Variants in GNA13 observed in about 807,000 individuals in gnomAD.
The protein encoded by GNA13 is guanine nucleotide-binding protein subunit alpha-13.
In GNA13, 4 loss-of-function variants were observed where a neutral mutation model predicts 33.5. That is an observed-to-expected ratio of 0.12 (90% CI 0.06 to 0.27). The LOEUF is 0.27. GNA13 is among the 10% of genes least tolerant of loss of function. The probability of loss-of-function intolerance (pLI) is 1.00; values close to 1 mark genes in which losing one functional copy is unlikely to be tolerated. For missense variants in GNA13, 319 were observed against 487.2 expected (o/e 0.65, Z 3.25); for synonymous variants, 176 against 183.8 (o/e 0.96, Z 0.34).
At chr17:65,038,655 G>C (rs1392423083) in intron 2 of GNA13, among the ~76,000 whole-genome samples, 1 of 152,158 alleles carries the variant, frequency 6.6e-6, no homozygotes, top group African/African-American at 2.4e-5. Flanking sequence ...TCGAGCTCTT[G>C]AGTTCAAGCA....
chr17:65,041,533 T>C (rs1261132949), intron 2 of GNA13, among the ~76,000 whole-genome samples: 1 of 152,086 alleles, frequency 6.6e-6, no homozygotes, highest in East Asian at 1.9e-4. Flanking sequence ...TTTGTGAACA[T>C]ATGAATTTTT....
chr17:65,030,085 G>C (rs767224170), intron 2 of GNA13, among the ~76,000 whole-genome samples: 1 of 152,170 alleles, frequency 6.6e-6, no homozygotes, highest in Non-Finnish European at 1.5e-5. Context: ...CCTACTCCAT[G>C]TAAGTAACCA....
chr17:65,023,728 C>G (rs1906672386), intron 2 of GNA13, among the ~76,000 whole-genome samples: 1 of 152,166 alleles, frequency 6.6e-6, no homozygotes, highest in South Asian at 2.1e-4. Context: ...TTCCAGTGGA[C>G]ATAATATTTC....
chr17:65,039,037 A>G (rs888861167), intron 2 of GNA13, among the ~76,000 whole-genome samples: 2 of 152,156 alleles, frequency 1.3e-5, no homozygotes, highest in South Asian at 4.1e-4. Context: ...TGCCCAAACT[A>G]AACTCTTAAT....
At chr17:65,025,191 C>A (rs574622279) in intron 2 of GNA13, among the ~76,000 whole-genome samples, 5 of 152,290 alleles carry the variant, frequency 3.3e-5, no homozygotes, top group Admixed American at 3.3e-4. Flanking sequence ...AGCCACTACA[C>A]CCAGCTGTAA....
In GNA13 at chr17:65,056,328, T is replaced by C. The variant is rs776632322; in HGVS notation, c.266A>G (p.Tyr89Cys). Residue 89 changes from tyrosine (Y) to cysteine (C), a missense_variant, in exon 1 of 4, where the codon TAC (tyrosine) becomes TGC (cysteine). Transcript: ENST00000439174. The part of the protein sequence containing the change: ...RAREEFRPTI[Y>C]SNVIKGMRVL... Reference sequence around the variant, plus strand: ...CCCGGCACCTTTGATCACGTTGCTGTAGATGGTGGGGCGGAACTCCTCGCG... The same window carrying C: ...CCCGGCACCTTTGATCACGTTGCTGCAGATGGTGGGGCGGAACTCCTCGCG... The C allele has an allele frequency of 2.6e-6, 4 of 1,510,282 alleles. No homozygotes were observed. Among genetic ancestry groups the C allele is most frequent in the Admixed American group, 1.8e-5 (1 of 56,678 alleles). The allele number at this position is 1,510,282 out of a possible 1,614,324, so 93.6% of individuals were successfully genotyped here.
chr17:65,046,087 G>A (rs1047455898), intron 2 of GNA13, among the ~76,000 whole-genome samples: 3 of 152,048 alleles, frequency 2.0e-5, no homozygotes, highest in Non-Finnish European at 2.9e-5. Flanking sequence ...TGTGAAATGC[G>A]GATAACAGTA....
At chr17:65,046,802 T>A (rs1393837229) in intron 2 of GNA13, among the ~76,000 whole-genome samples, 4 of 152,238 alleles carry the variant, frequency 2.6e-5, no homozygotes, top group Admixed American at 2.0e-4. Flanking sequence ...CTTAGTTGTT[T>A]AATAAACATT....
intron 2 of GNA13, among the ~76,000 whole-genome samples, chr17:65,028,558 T>C (rs1906889730): frequency 6.6e-6 from 1 of 152,124 alleles, no homozygotes; most frequent in African/African-American, 2.4e-5. Context: ...AGTTGCCTCT[T>C]GTAATTAGCT....
In GNA13 at chr17:65,018,138, A is replaced by AAGAG. The variant is rs1555600539; in HGVS notation, c.561+111_561+114dup. On this transcript the variant is annotated intron_variant, in intron 3 of 3. Transcript: ENST00000439174. ...AAAAAAAAAAAAAAAAAAAAAAAAA[A>AAGAG]AGAGAGAAAGAAGCAAATAGCTTAA... The AAGAG allele has an allele frequency of 8.6e-5, 6 of 69,632 alleles. 3 individuals are homozygous for AAGAG. The highest frequency in any genetic ancestry group is 1.1e-4 in the Non-Finnish European group (4 of 35,448). 4.3% of individuals were successfully genotyped at this position (69,632 alleles called of 1,614,324 possible). A position where few individuals can be genotyped will look rare whatever the true frequency, so the allele number is the denominator to read the frequency against.
chr17:65,020,376 T>C (rs980666909), intron 2 of GNA13, among the ~76,000 whole-genome samples: 2 of 152,186 alleles, frequency 1.3e-5, no homozygotes, highest in South Asian at 2.1e-4. Flanking sequence ...AGTGGTTCAA[T>C]GGATAACCAA....
intron 2 of GNA13, among the ~76,000 whole-genome samples, chr17:65,041,598 C>T (rs1318860085): frequency 6.6e-6 from 1 of 152,166 alleles, no homozygotes; most frequent in Admixed American, 6.5e-5. Flanking sequence ...CTCAACGCCT[C>T]TGCTAAGTCA....
intron 1 of GNA13, among the ~76,000 whole-genome samples, chr17:65,056,058 G>A (rs1045954291): frequency 1.3e-5 from 2 of 151,936 alleles, no homozygotes; most frequent in African/African-American, 4.8e-5. Context: ...GGGGGTGGGG[G>A]AATGGCCGTG....
intron 2 of GNA13, among the ~76,000 whole-genome samples, chr17:65,049,374 G>C (rs1220863655): frequency 1.3e-5 from 2 of 152,180 alleles, no homozygotes; most frequent in East Asian, 3.8e-4. Context: ...GCCTGCCTCA[G>C]CCTCCCAAAG....
rs1906254314 is a variant in GNA13 at position 65,013,290 on chromosome 17, A to T, written c.*967T>A. The T allele has an allele frequency of 4.8e-6, 1 of 208,856 alleles. No individual in the cohort carries two copies. The highest frequency in any genetic ancestry group is 1.9e-4 in the South Asian group (1 of 5,346). The allele number at this position is 208,856 out of a possible 1,614,324, so 12.9% of individuals were successfully genotyped here. On this transcript the variant is annotated 3_prime_UTR_variant, in exon 4 of 4. Coordinates refer to ENST00000439174, the MANE Select transcript of GNA13 (RefSeq NM_006572.6). ...TGGAGTTGATGGGACTGGACAGGACAGCAAAAGATAGATGTTTGTGATGAT... is the reference window on the plus strand; with the variant it reads ...TGGAGTTGATGGGACTGGACAGGACTGCAAAAGATAGATGTTTGTGATGAT...
chr17:65,013,725 T>C lies in GNA13; in HGVS notation c.*532A>G, dbSNP rs900728502. ...GTTGTGTATACAAGCAATTAAAATA[T>C]GAAGGCTAAACCTTCTATAAACCTA... is the stretch of plus-strand genomic sequence containing the variant. On this transcript the variant is annotated 3_prime_UTR_variant, in exon 4 of 4. Transcript: ENST00000439174. The C allele has an allele frequency of 2.4e-5, 5 of 208,548 alleles. 1 individual carries two copies. The highest frequency in any genetic ancestry group is 2.0e-5 in the Non-Finnish European group (2 of 102,340). 12.9% of individuals were successfully genotyped at this position (208,548 alleles called of 1,614,324 possible). A position where few individuals can be genotyped will look rare whatever the true frequency, so the allele number is the denominator to read the frequency against.
In GNA13 at chr17:65,014,865, C is replaced by G. The variant is rs1906307369; in HGVS notation, c.562-36G>C. 2 of 1,350,700 alleles carry G rather than the reference C, an allele frequency of 1.5e-6. No individual in the cohort carries two copies. 83.7% of individuals were successfully genotyped at this position (1,350,700 alleles called of 1,614,324 possible). On this transcript the variant is annotated intron_variant, in intron 3 of 3. Transcript: ENST00000439174. The surrounding 1 kb of genome is among the most constrained non-coding windows in gnomAD (Gnocchi z 5.3). ...AAAAACTTGTTTTATACCTATTAAT[C>G]CCGAAGTAATGCGAATTTTTAATGG...
chr17:65,047,635 GCATT>G (rs931578426), intron 2 of GNA13, among the ~76,000 whole-genome samples: 11 of 148,898 alleles, frequency 7.4e-5, no homozygotes, highest in African/African-American at 2.7e-4. Context: ...ATCCAAATTA[GCATT>G]AATTAATAAA....
chr17:65,031,919 A>AGTGTGTGTGTGT (rs1907050606), intron 2 of GNA13, among the ~76,000 whole-genome samples: 4 of 125,480 alleles, frequency 3.2e-5, no homozygotes, highest in African/African-American at 9.5e-5. Flanking sequence ...AGAGAGAGAG[A>AGTGTGTGTGTGT]GAGTGTGTGT....
Sources: gnomAD v4.1 joint callset for allele counts (sites outside exome capture counted in the v4.1 genomes callset) on GRCh38, gnomAD v4.1.1 for gene constraint, Gnocchi (gnomAD v3.1) non-coding constraint, MANE v1.5 for transcripts, NCBI Gene and HGNC (gene_info 2026-07-23, HGNC 2026-07-21) for gene names.